The following CDIN1 variants were observed in gnomAD, a reference collection of about 807,000 sequenced individuals.
The protein encoded by CDIN1 is CDAN1 interacting nuclease 1.
A neutral mutation model predicts 45.3 loss-of-function variants in CDIN1; 33 were observed. The observed-to-expected ratio is 0.73, with a 90% CI of 0.55 to 0.97. The LOEUF (loss-of-function observed/expected upper bound fraction) is 0.97, where lower values mean the gene tolerates loss of function less well. Ranked by LOEUF, CDIN1 falls within the 50% of genes least tolerant of loss-of-function variation. The pLI is 0.00. For synonymous variants in CDIN1, 118 were observed against 124.4 expected, an observed-to-expected ratio of 0.95 and a Z score of 0.34; for missense variants, 303 against 339.4, an observed-to-expected ratio of 0.89 and a Z score of 0.84.
chr15:36,645,526 G>GTGTA (rs1566862150), intron 3 of CDIN1, among the ~76,000 whole-genome samples: 2 of 151,624 alleles, frequency 1.3e-5, no homozygotes, highest in East Asian at 3.9e-4. Context: ...GTGTGTGTGT[G>GTGTA]TGTGTGCCCA....
At chr15:36,650,708 G>T (rs1566867163) in intron 3 of CDIN1, among the ~76,000 whole-genome samples, 2 of 152,214 alleles carry the variant, frequency 1.3e-5, no homozygotes, top group East Asian at 3.9e-4. Context: ...CTCCCAAAGT[G>T]CTGGGATTAC....
At chr15:36,606,516 CTG>C (rs751081858) in intron 1 of CDIN1, among the ~76,000 whole-genome samples, 1 of 152,268 alleles carries the variant, frequency 6.6e-6, no homozygotes, top group South Asian at 2.1e-4. Flanking sequence ...GTGGTAAACT[CTG>C]TGACTGCAGC....
At chr15:36,655,308 A>C (rs1595429816) in intron 4 of CDIN1, among the ~76,000 whole-genome samples, 1 of 143,796 alleles carries the variant, frequency 7.0e-6, no homozygotes, top group Admixed American at 7.3e-5. Flanking sequence ...TCTAGAGCAG[A>C]GTGCTTTTTT....
rs2053518364 is a variant in CDIN1 at position 36,753,107 on chromosome 15, G to A, written c.716+43146G>A. ...GTGCAAGCCTTTCGCATGATTCAATGTGATCACCTTTTCTCATAGCACCAC... is the reference window on the plus strand; with the variant it reads ...GTGCAAGCCTTTCGCATGATTCAATATGATCACCTTTTCTCATAGCACCAC... On this transcript the variant is annotated intron_variant, in intron 10 of 10. Coordinates refer to ENST00000566621, the MANE Select transcript of CDIN1 (RefSeq NM_001321759.2). 2.0e-5 allele frequency among the ~76,000 whole-genome samples: 3 copies of A among 152,274 alleles called. No individual in the cohort carries two copies. The South Asian group carries it at 6.2e-4, about 32-fold the overall frequency.
Position 36,622,249 on chromosome 15 carries a change from G to A in CDIN1, c.102-22029G>A, listed in dbSNP as rs148552608. Among the ~76,000 whole-genome samples the A allele has an allele frequency of 4.1e-4, 62 of 152,152 alleles. 1 individual carries two copies. Among genetic ancestry groups the A allele is most frequent in the Middle Eastern group, 6.8e-3 (2 of 294 alleles). On this transcript the variant is annotated intron_variant, in intron 1 of 10. Coordinates refer to ENST00000566621, the MANE Select transcript of CDIN1 (RefSeq NM_001321759.2). ...GGTCTTCTGGCATTTTTACTGTCAC[G>A]TGTAGAGTGAAGCTAGTGGTGACCC...
chr15:36,700,695 C>T (rs566080157), intron 8 of CDIN1, among the ~76,000 whole-genome samples: 1 of 151,042 alleles, frequency 6.6e-6, no homozygotes, highest in South Asian at 2.1e-4. Flanking sequence ...TTTTAAAGAA[C>T]CAAACTTTTT....
At chr15:36,740,200 C>G (rs2044180901) in intron 10 of CDIN1, among the ~76,000 whole-genome samples, 1 of 152,114 alleles carries the variant, frequency 6.6e-6, no homozygotes, top group African/African-American at 2.4e-5. Flanking sequence ...GATGAAGGAC[C>G]TCTTTTTTGC....
chr15:36,722,303 A>ATCTCTC (rs5811928), intron 10 of CDIN1, among the ~76,000 whole-genome samples: 10,139 of 140,518 alleles, frequency 0.072, 684 homozygotes, highest in African/African-American at 0.17. Flanking sequence ...TTCTTTTGAG[A>ATCTCTC]TCTCTCTCTC....
intron 10 of CDIN1, among the ~76,000 whole-genome samples, chr15:36,757,233 G>C (rs2053633040): frequency 6.6e-6 from 1 of 152,122 alleles, no homozygotes; most frequent in East Asian, 1.9e-4. Flanking sequence ...TAACAGTTAG[G>C]GTTATGGAGG....
At chr15:36,779,003 T>A (rs138726025) in intron 10 of CDIN1, among the ~76,000 whole-genome samples, 16 of 152,194 alleles carry the variant, frequency 1.1e-4, no homozygotes, top group Middle Eastern at 3.4e-3. Context: ...ATAATTAAAT[T>A]TTACTATTTG....
intron 2 of CDIN1, among the ~76,000 whole-genome samples, chr15:36,644,531 G>A (rs2040235718): frequency 6.6e-6 from 1 of 151,812 alleles, no homozygotes; most frequent in Non-Finnish European, 1.5e-5. Flanking sequence ...CTTATTTGGT[G>A]GACCTGTAAT....
chr15:36,790,321 G>C (rs1168161838), intron 10 of CDIN1: 1 of 152,204 alleles, frequency 6.6e-6, no homozygotes, highest in African/African-American at 2.4e-5. Context: ...TTACTGTTCA[G>C]AAGTCTGGCT....
intron 5 of CDIN1, among the ~76,000 whole-genome samples, chr15:36,676,710 C>T (rs537655152): frequency 6.6e-6 from 1 of 152,182 alleles, no homozygotes; most frequent in Non-Finnish European, 1.5e-5. Flanking sequence ...TGGGAGTTTT[C>T]GCTTTACCTG....
chr15:36,607,862 C>G (rs1396684702), intron 1 of CDIN1, among the ~76,000 whole-genome samples: 2 of 152,140 alleles, frequency 1.3e-5, no homozygotes, highest in Non-Finnish European at 2.9e-5. Context: ...GCATGGCTCC[C>G]CATTCTCACA....
chr15:36,785,052 C>T (rs1441943703), intron 10 of CDIN1, among the ~76,000 whole-genome samples: 2 of 152,040 alleles, frequency 1.3e-5, no homozygotes, highest in Non-Finnish European at 2.9e-5. Context: ...AGGGTGCTGC[C>T]CTTGTAAAGG....
intron 1 of CDIN1, among the ~76,000 whole-genome samples, chr15:36,602,484 A>G (rs2038153878): frequency 1.3e-5 from 2 of 152,222 alleles, no homozygotes; most frequent in Admixed American, 6.5e-5. Flanking sequence ...AAGGGGGCTG[A>G]TGTTACTAGG....
intron 1 of CDIN1, among the ~76,000 whole-genome samples, chr15:36,632,263 C>G (rs1299481398): frequency 1.3e-5 from 2 of 152,224 alleles, no homozygotes; most frequent in Admixed American, 1.3e-4. Flanking sequence ...ACTACAGTCT[C>G]TTGGACATTC....
chr15:36,675,599 G>T (rs2041621518), intron 5 of CDIN1, among the ~76,000 whole-genome samples: 1 of 152,152 alleles, frequency 6.6e-6, no homozygotes, highest in Non-Finnish European at 1.5e-5. Context: ...CTTGCTGAAA[G>T]ATTAATTACA....
intron 10 of CDIN1, among the ~76,000 whole-genome samples, chr15:36,738,810 TAGGATAA>T (rs1442460005): frequency 3.3e-5 from 5 of 152,196 alleles, no homozygotes; most frequent in Non-Finnish European, 7.4e-5. Flanking sequence ...TTTGCCCCAC[TAGGATAA>T]AAGTTTCACA....
Sources: allele counts gnomAD v4.1 joint callset (sites outside exome capture counted in the v4.1 genomes callset), GRCh38; gene constraint gnomAD v4.1.1; transcripts MANE v1.5; gene names NCBI Gene and HGNC (gene_info 2026-07-23, HGNC 2026-07-21).